Variants in ARID1B observed in about 807,000 individuals in gnomAD.
ARID1B encodes the protein AT-rich interaction domain 1B, also known as AT-rich interactive domain-containing protein 1B.
Under a neutral mutation model 212.3 loss-of-function variants are expected in ARID1B, and 30 were observed. That is an observed-to-expected ratio of 0.14 (90% CI 0.11 to 0.19). ARID1B has a LOEUF of 0.19. Ranked by LOEUF, ARID1B falls within the 10% of genes least tolerant of loss-of-function variation. ARID1B has a pLI of 1.00. For missense variants in ARID1B, 2,891 were observed against 3,204.0 expected (o/e 0.90, Z 2.36); for synonymous variants, 1,402 against 1,301.7 (o/e 1.08, Z -1.66).
chr6:157,122,357 A>G (rs1415076591), intron 6 of ARID1B, among the ~76,000 whole-genome samples: 1 of 152,056 alleles, frequency 6.6e-6, no homozygotes, highest in Non-Finnish European at 1.5e-5. Context: ...CCCCTAAATA[A>G]AACAGTCCTT....
chr6:157,143,871 A>G (rs1789541209), intron 7 of ARID1B, among the ~76,000 whole-genome samples: 1 of 152,240 alleles, frequency 6.6e-6, no homozygotes, highest in South Asian at 2.1e-4. Flanking sequence ...TTTCCTTGAC[A>G]TGCACTTTTG....
rs571790444 is a variant in ARID1B, at chr6:157,016,022, G to A, written c.2248-68640G>A. 5.3e-5 allele frequency among the ~76,000 whole-genome samples: 8 copies of A among 152,336 alleles called. No homozygotes were observed. The East Asian group carries it at 1.2e-3, about 22-fold the overall frequency. ...TTCAGTTTGCTCAGGAGAAGGGTTG[G>A]TAGAAGTGGTTCTTTTATCTCGGAA... On this transcript the variant is annotated intron_variant, in intron 4 of 19. Coordinates refer to ENST00000636930, the MANE Select transcript of ARID1B (RefSeq NM_001374828.1).
chr6:157,109,085 C>A (rs1003455096), intron 5 of ARID1B, among the ~76,000 whole-genome samples: 2 of 152,140 alleles, frequency 1.3e-5, no homozygotes, highest in African/African-American at 2.4e-5. Flanking sequence ...GCCACAGATA[C>A]CCCGTGATTA....
At chr6:156,949,633 A>G (rs1385586913) in intron 4 of ARID1B, among the ~76,000 whole-genome samples, 2 of 152,194 alleles carry the variant, frequency 1.3e-5, no homozygotes, top group African/African-American at 2.4e-5. Flanking sequence ...CTGTGACTTC[A>G]TTGCTGAACC....
In ARID1B at chr6:156,829,925, G is replaced by T. The variant is rs533200802; in HGVS notation, c.1986+504G>T. On this transcript the variant is annotated intron_variant, in intron 2 of 19. Coordinates refer to ENST00000636930, the MANE Select transcript of ARID1B (RefSeq NM_001374828.1). Reference sequence around the variant, plus strand: ...ATTTCTTCTGTACCTTTTGAAAAAGGTTTCTGTATTTCATATAAGAGGATT... The same window carrying T: ...ATTTCTTCTGTACCTTTTGAAAAAGTTTTCTGTATTTCATATAAGAGGATT... 1.1e-4 allele frequency among the ~76,000 whole-genome samples: 17 copies of T among 152,144 alleles called. No individual in the cohort carries two copies. In the South Asian group the frequency reaches 2.9e-3, roughly 26 times the overall value.
chr6:156,974,091 T>G (rs972393159), intron 4 of ARID1B, among the ~76,000 whole-genome samples: 3 of 152,168 alleles, frequency 2.0e-5, no homozygotes, highest in Non-Finnish European at 4.4e-5. Context: ...AGGGAAGAAA[T>G]GAAGTGAAAA....
At chr6:156,820,707 C>T (rs1369119967) in intron 1 of ARID1B, among the ~76,000 whole-genome samples, 2 of 152,212 alleles carry the variant, frequency 1.3e-5, no homozygotes, top group Admixed American at 6.5e-5. Context: ...CTTGAAACCC[C>T]CTGCCTGCTC....
intron 1 of ARID1B, among the ~76,000 whole-genome samples, chr6:156,784,941 G>C (rs912671120): frequency 2.0e-5 from 3 of 152,058 alleles, no homozygotes; most frequent in African/African-American, 7.2e-5. Flanking sequence ...TGTATTTTTC[G>C]TAGAGATGGG....
In ARID1B at chr6:156,777,822, G is replaced by A. The variant is rs1583021824; in HGVS notation, c.142G>A (p.Ala48Thr). Residue 48 changes from alanine to threonine, a missense_variant, in exon 1 of 20, where the codon GCG becomes ACG. Ala to Thr is a moderately conservative substitution (Grantham distance 58). Coordinates refer to ENST00000636930, the MANE Select transcript of ARID1B (RefSeq NM_001374828.1). ...RDLEAGARGA[A>T]AAAAAPGPML... ...CCTGGAGGCGGGGGCGCGCGGCGCG[G>A]CGGCGGCGGCGGCGGCACCGGGACC... is the stretch of plus-strand genomic sequence containing the variant. 1.9e-6 allele frequency: 2 copies of A among 1,040,852 alleles called. No homozygotes were observed. The highest frequency in any genetic ancestry group is 1.3e-4 in the East Asian group (2 of 14,870). The allele number at this position is 1,040,852 out of a possible 1,614,324, so 64.5% of individuals were successfully genotyped here.
Position 156,777,759 on chromosome 6 carries a change from G to T in ARID1B, c.79G>T (p.Ala27Ser). ...RARAGSGERR[A>S]PPGPRPAPGA... Reference sequence around the variant, plus strand: ...GCGGGCAGGCAGCGGCGAACGGCGGGCGCCCCCCGGGCCGCGGCCGGCGCC... The same window carrying T: ...GCGGGCAGGCAGCGGCGAACGGCGGTCGCCCCCCGGGCCGCGGCCGGCGCC... Residue 27 changes from alanine (A) to serine (S), a missense_variant, in exon 1 of 20, where the codon GCG (alanine) becomes TCG (serine). Physicochemically the swap from Ala to Ser is moderately conservative, Grantham distance 99. This residue lies in a region of ARID1B where 1,643 missense variants were observed against 1,544.0 expected (regional missense o/e 1.06). Transcript: ENST00000636930. 1 of 584,852 alleles carries T rather than the reference G, an allele frequency of 1.7e-6. No homozygotes were observed. The highest frequency in any genetic ancestry group is 2.1e-6 in the Non-Finnish European group (1 of 468,954). The allele number at this position is 584,852 out of a possible 1,614,324, so 36.2% of individuals were successfully genotyped here.
At chr6:157,168,445 C>G (rs1791488781) in intron 9 of ARID1B, 1 of 152,154 alleles carries the variant, frequency 6.6e-6, no homozygotes, top group African/African-American at 2.4e-5. Context: ...AGCTGGAAGC[C>G]TCTTCTTTCC....
At chr6:157,048,264 A>T (rs1340939989) in intron 4 of ARID1B, among the ~76,000 whole-genome samples, 1 of 152,230 alleles carries the variant, frequency 6.6e-6, no homozygotes, top group African/African-American at 2.4e-5. Flanking sequence ...GATGATTTTT[A>T]AAAATCAGAT....
At chr6:156,934,742 G>A (rs1028939949) in intron 3 of ARID1B, among the ~76,000 whole-genome samples, 11 of 151,324 alleles carry the variant, frequency 7.3e-5, no homozygotes, top group Non-Finnish European at 1.6e-4. Flanking sequence ...GACCAAAATC[G>A]GAATTCAACA....
chr6:156,930,184 T>G (rs1582970698), intron 3 of ARID1B, among the ~76,000 whole-genome samples: 1 of 152,180 alleles, frequency 6.6e-6, no homozygotes, highest in East Asian at 1.9e-4. Context: ...TGGGGCCAGG[T>G]GGGAGAGGAT....
chr6:157,006,073 T>C (rs62422649), intron 4 of ARID1B, among the ~76,000 whole-genome samples: 46,709 of 151,992 alleles, frequency 0.31, 7,354 homozygotes, highest in Non-Finnish European at 0.32. Context: ...CCAGGCAAGA[T>C]AGACTCCTTT....
Position 157,190,277 on chromosome 6 carries a change from C to T in ARID1B, c.4231+67C>T. On this transcript the variant is annotated intron_variant, in intron 15 of 19. Transcript: ENST00000636930. The surrounding 1 kb of genome is among the most constrained non-coding windows in gnomAD (Gnocchi z 4.6). The stretch of plus-strand genomic sequence containing the variant: ...CATTCTACTCTCTGCCGTTCCACAA[C>T]AGTTCACCTTTCACTCAGAACACCT... 1.3e-6 allele frequency: 2 copies of T among 1,511,370 alleles called. No individual in the cohort carries two copies. Among genetic ancestry groups the T allele is most frequent in the Admixed American group, 2.1e-5 (1 of 48,154 alleles). 93.6% of individuals were successfully genotyped at this position (1,511,370 alleles called of 1,614,324 possible).
intron 1 of ARID1B, among the ~76,000 whole-genome samples, chr6:156,825,703 A>G (rs180786648): frequency 1.3e-5 from 2 of 152,354 alleles, no homozygotes. Context: ...GGCTGTCTAG[A>G]TTGAATGTGA....
At chr6:157,064,757 A>G (rs1231756325) in intron 4 of ARID1B, among the ~76,000 whole-genome samples, 1 of 152,138 alleles carries the variant, frequency 6.6e-6, no homozygotes, top group Non-Finnish European at 1.5e-5. Flanking sequence ...TTCTAACCCC[A>G]GGCTCCGGCC....
rs568791608 is a variant in ARID1B at position 157,103,222 on chromosome 6, C to T, written c.2492-7250C>T. Among the ~76,000 whole-genome samples the T allele has an allele frequency of 7.2e-5, 11 of 151,984 alleles. No homozygotes were observed. In the South Asian group the frequency reaches 2.3e-3, roughly 32 times the overall value. ...AGATCTAATTATCTATTAATCTGAGCTTGGTTCCTGGAATCATTAGCCATA... is the reference window on the plus strand; with the variant it reads ...AGATCTAATTATCTATTAATCTGAGTTTGGTTCCTGGAATCATTAGCCATA... On this transcript the variant is annotated intron_variant, in intron 5 of 19. Coordinates refer to ENST00000636930, the MANE Select transcript of ARID1B (RefSeq NM_001374828.1).
Sources: gnomAD v4.1 joint callset for allele counts (sites outside exome capture counted in the v4.1 genomes callset) on GRCh38, gnomAD v4.1.1 for gene constraint, gnomAD v4.1.1 regional missense constraint, Gnocchi (gnomAD v3.1) non-coding constraint, MANE v1.5 for transcripts, NCBI Gene and HGNC (gene_info 2026-07-23, HGNC 2026-07-21) for gene names.